The following KLHL32 variants were observed in gnomAD, a reference collection of about 807,000 sequenced individuals.
The protein encoded by KLHL32 is kelch like family member 32, also known as kelch-like protein 32.
In KLHL32, 35 loss-of-function variants were observed where a neutral mutation model predicts 64.8. The observed-to-expected ratio is 0.54, with a 90% CI of 0.41 to 0.72. The LOEUF (loss-of-function observed/expected upper bound fraction) is 0.72, where lower values mean the gene tolerates loss of function less well. KLHL32 is among the 30% of genes least tolerant of loss of function. The pLI, the probability that KLHL32 is intolerant of heterozygous loss-of-function variation, is 0.00. For missense variants in KLHL32, 589 were observed against 768.5 expected (o/e 0.77, Z 2.76); for synonymous variants, 259 against 281.0 (o/e 0.92, Z 0.78).
chr6:97,081,416 A>G (rs1792499438), intron 5 of KLHL32, among the ~76,000 whole-genome samples: 1 of 152,150 alleles, frequency 6.6e-6, no homozygotes, highest in Admixed American at 6.5e-5. Context: ...TAGTTTGCAT[A>G]TGAAAGCCGT....
chr6:97,102,593 A>G (rs762574907), intron 6 of KLHL32, among the ~76,000 whole-genome samples: 1 of 152,144 alleles, frequency 6.6e-6, no homozygotes, highest in Non-Finnish European at 1.5e-5. Flanking sequence ...CCAGCCATCA[A>G]TGACTAGATG....
intron 3 of KLHL32, among the ~76,000 whole-genome samples, chr6:97,010,734 T>A (rs954432266): frequency 6.6e-6 from 1 of 152,208 alleles, no homozygotes; most frequent in Non-Finnish European, 1.5e-5. Flanking sequence ...AAGGAAATAG[T>A]GGCTTTTGGG....
intron 6 of KLHL32, among the ~76,000 whole-genome samples, chr6:97,109,436 T>C (rs1285606573): frequency 6.6e-6 from 1 of 152,190 alleles, no homozygotes; most frequent in African/African-American, 2.4e-5. Flanking sequence ...TTTGGAGAAA[T>C]TGAACACAGA....
chr6:97,001,746 A>C (rs1452424766), intron 3 of KLHL32, among the ~76,000 whole-genome samples: 1 of 152,242 alleles, frequency 6.6e-6, no homozygotes, highest in African/African-American at 2.4e-5. Context: ...GTCATGGTCT[A>C]TTAGGTCTTA....
intron 7 of KLHL32, among the ~76,000 whole-genome samples, chr6:97,125,679 G>A (rs1359663624): frequency 1.3e-5 from 2 of 152,156 alleles, no homozygotes; most frequent in Non-Finnish European, 2.9e-5. Context: ...GCAAATTGGT[G>A]TCTATCACAG....
intron 3 of KLHL32, among the ~76,000 whole-genome samples, chr6:96,998,738 G>A (rs1287419615): frequency 6.6e-6 from 1 of 152,158 alleles, no homozygotes; most frequent in Non-Finnish European, 1.5e-5. Context: ...CAACAGCATT[G>A]CTAATTCTTG....
the KLHL32 span, among the ~76,000 whole-genome samples, chr6:96,906,054 G>A: frequency 6.6e-6 from 1 of 152,066 alleles, no homozygotes; most frequent in Non-Finnish European, 1.5e-5. Context: ...TTGTCCCTAG[G>A]AATTGCACAC....
intron 3 of KLHL32, among the ~76,000 whole-genome samples, chr6:97,020,907 GTC>G (rs756954008): frequency 4.6e-4 from 70 of 150,768 alleles, no homozygotes; most frequent in Middle Eastern, 3.4e-3. Flanking sequence ...CCACCTTGCT[GTC>G]TCTATTAGCT....
intron 3 of KLHL32, among the ~76,000 whole-genome samples, chr6:97,002,755 T>C (rs1211533145): frequency 6.6e-6 from 1 of 152,204 alleles, no homozygotes; most frequent in Non-Finnish European, 1.5e-5. Flanking sequence ...GTTAGTTCAC[T>C]TACAGTAGTG....
intron 10 of KLHL32, among the ~76,000 whole-genome samples, chr6:97,134,759 A>G (rs1799807555): frequency 1.3e-5 from 2 of 152,354 alleles, no homozygotes; most frequent in African/African-American, 4.8e-5. Context: ...GTACGTATCA[A>G]GTTTAGGAGA....
intron 3 of KLHL32, among the ~76,000 whole-genome samples, chr6:97,021,469 G>A (rs1197732187): frequency 2.0e-5 from 3 of 150,740 alleles, no homozygotes; most frequent in Non-Finnish European, 4.4e-5. Flanking sequence ...AGTCAGTAGA[G>A]GGAATCCCCT....
intron 4 of KLHL32, among the ~76,000 whole-genome samples, chr6:97,055,684 G>A (rs1787681341): frequency 6.6e-6 from 1 of 151,118 alleles, no homozygotes; most frequent in Admixed American, 6.6e-5. Flanking sequence ...TGTACTCCCA[G>A]CTAGTTGAGA....
chr6:97,105,077 G>A (rs1462643116), intron 6 of KLHL32, among the ~76,000 whole-genome samples: 3 of 152,112 alleles, frequency 2.0e-5, no homozygotes, highest in African/African-American at 7.2e-5. Context: ...TTGCATTAGG[G>A]AAACATCACA....
chr6:97,026,347 G>A (rs1218743083), intron 3 of KLHL32, among the ~76,000 whole-genome samples: 2 of 151,914 alleles, frequency 1.3e-5, no homozygotes, highest in East Asian at 3.9e-4. Context: ...ACCCTAGCCT[G>A]GGTGACAAAG....
At chr6:96,931,717 T>C (rs1769914095) in intron 1 of KLHL32, among the ~76,000 whole-genome samples, 1 of 152,182 alleles carries the variant, frequency 6.6e-6, no homozygotes, top group South Asian at 2.1e-4. Flanking sequence ...ACTCATTTCT[T>C]TATAGCTCCA....
chr6:96,943,140 G>A (rs1019830589), intron 1 of KLHL32, among the ~76,000 whole-genome samples: 11 of 148,724 alleles, frequency 7.4e-5, no homozygotes, highest in African/African-American at 2.7e-4. Context: ...AGACACATAT[G>A]CACACACATA....
At position 96,975,989 on chromosome 6, in the gene KLHL32, C is replaced by T. The variant is rs1582545845; in HGVS notation, c.24-8C>T. 3.2e-6 allele frequency: 5 copies of T among 1,558,980 alleles called. No individual in the cohort carries two copies. The highest frequency in any genetic ancestry group is 1.9e-4 in the Middle Eastern group (1 of 5,358). On this transcript the variant is annotated splice_region_variant and splice_polypyrimidine_tract_variant and intron_variant, in intron 2 of 10. Transcript: ENST00000369261. ...GAAAAATGTTGACTTGATTGCTCTC[C>T]TTTGTAGTATTCAAGAAATGCTGAC... is the stretch of plus-strand genomic sequence containing the variant.
intron 4 of KLHL32, among the ~76,000 whole-genome samples, chr6:97,063,206 A>T (rs900947156): frequency 1.3e-5 from 2 of 152,254 alleles, no homozygotes; most frequent in African/African-American, 4.8e-5. Flanking sequence ...AGTTAAGTTT[A>T]GGAAGAGGAA....
At chr6:97,070,163 G>A (rs1376561685) in intron 5 of KLHL32, among the ~76,000 whole-genome samples, 1 of 152,084 alleles carries the variant, frequency 6.6e-6, no homozygotes, top group Non-Finnish European at 1.5e-5. Context: ...CTGTTCCATA[G>A]TTCACTAGAG....
Sources: allele counts gnomAD v4.1 joint callset (sites outside exome capture counted in the v4.1 genomes callset), GRCh38; gene constraint gnomAD v4.1.1; transcripts MANE v1.5; gene names NCBI Gene and HGNC (gene_info 2026-07-23, HGNC 2026-07-21).